EBLN1: variants seen among roughly 807,000 people sequenced by gnomAD.
The protein encoded by EBLN1 is endogenous Bornavirus like nucleoprotein 1.
In EBLN1, 1 loss-of-function variant was observed where a neutral mutation model predicts 0.8. The observed-to-expected ratio is 1.32, with a 90% confidence interval of 0.47 to 6.26. The LOEUF is 6.26. Ranked by LOEUF, EBLN1 falls within the 30% of genes most tolerant of loss-of-function variation. EBLN1 has a pLI of 0.15. For synonymous variants in EBLN1, 158 were observed against 158.5 expected (o/e 1.00, Z 0.02); for missense variants, 396 against 447.9 (o/e 0.88, Z 1.05).
Position 22,209,379 on chromosome 10 carries a change from A to G in EBLN1, c.605T>C (p.Val202Ala). 2 of 1,605,470 alleles carry G rather than the reference A, an allele frequency of 1.2e-6. No individual in the cohort carries two copies. Among genetic ancestry groups the G allele is most frequent in the Non-Finnish European group, 1.7e-6 (2 of 1,179,836 alleles). The part of the protein sequence containing the change: ...AIDWINSRPW[V>A]GGLMFTFLFG... Reference sequence around the variant, plus strand: ...TAGAAATGTGAACATTAATCCTCCAACCCATGGTCTTGAGTTGATCCAATC... The same window carrying G: ...TAGAAATGTGAACATTAATCCTCCAGCCCATGGTCTTGAGTTGATCCAATC... Residue 202 changes from valine to alanine, a missense_variant, in exon 3 of 3, where the codon GTT (valine) becomes GCT (alanine). Val to Ala is a moderately conservative substitution (Grantham distance 64). Coordinates refer to ENST00000422359, the MANE Select transcript of EBLN1 (RefSeq NM_001394757.1).
intron 1 of EBLN1, among the ~76,000 whole-genome samples, chr10:22,216,432 T>C (rs1018789939): frequency 6.6e-6 from 1 of 152,186 alleles, no homozygotes; most frequent in African/African-American, 2.4e-5. Context: ...AGATAATATA[T>C]AACCTACTTT....
chr10:22,214,865 C>G (rs74906659), intron 1 of EBLN1, among the ~76,000 whole-genome samples: 1 of 152,084 alleles, frequency 6.6e-6, no homozygotes, highest in Admixed American at 6.5e-5. Context: ...TTATTTATAA[C>G]AGTCAAAAAG....
intron 1 of EBLN1, among the ~76,000 whole-genome samples, chr10:22,214,142 T>G (rs540269782): frequency 1.4e-4 from 21 of 152,244 alleles, no homozygotes; most frequent in African/African-American, 5.1e-4. Flanking sequence ...AAAAATCCAT[T>G]TTGCTGTTAG....
At chr10:22,210,815 C>T (rs1462078475) in intron 2 of EBLN1, among the ~76,000 whole-genome samples, 1 of 152,106 alleles carries the variant, frequency 6.6e-6, no homozygotes, top group African/African-American at 2.4e-5. Context: ...AACTCGCTGG[C>T]CAAGTGGGTG....
chr10:22,217,165 G>T (rs1285931358), intron 1 of EBLN1, among the ~76,000 whole-genome samples: 1 of 152,162 alleles, frequency 6.6e-6, no homozygotes, highest in African/African-American at 2.4e-5. Context: ...TCGCTCTGTT[G>T]TTCAGGCTGC....
At position 22,209,557 on chromosome 10, in the gene EBLN1, G is replaced by C; in HGVS notation, c.427C>G (p.Leu143Val). 6.5e-7 allele frequency: 1 copy of C among 1,548,780 alleles called. No homozygotes were observed. Among genetic ancestry groups the C allele is most frequent in the Non-Finnish European group, 8.7e-7 (1 of 1,154,008 alleles). Residue 143 changes from leucine (L) to valine (V), a missense_variant, in exon 3 of 3, where the codon CTG becomes GTG. Leu to Val is a conservative substitution (Grantham distance 32). Transcript: ENST00000422359. ...MSSILRHCCD[L>V]IGIAAGSSDP... is the part of the protein sequence containing the mutation. Reference sequence around the variant, plus strand: ...CTCGATCCGGCAGCAATGCCTATCAGATCACAGCAGTGACGCAGAATTGAT... The same window carrying C: ...CTCGATCCGGCAGCAATGCCTATCACATCACAGCAGTGACGCAGAATTGAT...
chr10:22,209,277 G>T lies in EBLN1; in HGVS notation c.707C>A (p.Thr236Asn). The change falls in exon 3 of 3, where the codon ACC becomes AAC. Residue 236 changes from threonine (T) to asparagine (N), a missense_variant. Thr to Asn is a moderately conservative substitution (Grantham distance 65). Coordinates refer to ENST00000422359, the MANE Select transcript of EBLN1 (RefSeq NM_001394757.1). ...CAGGAACATTCTCACAGTGTAGTAG[G>T]TCATCATCTGTGCTTTGCTGGCAAC... is the stretch of plus-strand genomic sequence containing the variant. ...KVVASKAQMM[T>N]YYTVRMFLDQ... is the part of the protein sequence containing the mutation. 4.4e-6 allele frequency: 7 copies of T among 1,588,880 alleles called. No individual in the cohort carries two copies. The highest frequency in any genetic ancestry group is 4.3e-6 in the Non-Finnish European group (5 of 1,174,848).
rs762885789 is a variant in EBLN1 at position 22,209,615 on chromosome 10, A to G, written c.369T>C (p.Asp123=). The change falls in exon 3 of 3, where the codon GAT becomes GAC. Residue 123 remains aspartate, a synonymous_variant. Transcript: ENST00000422359. The stretch of plus-strand genomic sequence containing the variant: ...CAAGGGCAGTGAAGGTAGGCAAAAC[A>G]TCTTCAAATTTGCTAGCATAGAGAG... ...TGTLYASKFE[D]VLPTFTALEM... is the part of the protein sequence containing the mutation. 16 of 1,536,076 alleles carry G rather than the reference A, an allele frequency of 1.0e-5. No individual in the cohort carries two copies. Among genetic ancestry groups the G allele is most frequent in the Middle Eastern group, 1.7e-4 (1 of 6,012 alleles).
Position 22,209,253 on chromosome 10 carries a change from A to G in EBLN1, c.731T>C (p.Leu244Pro). Residue 244 changes from leucine (L) to proline (P), a missense_variant, in exon 3 of 3, where the codon CTG (leucine) becomes CCG (proline). Leu to Pro is a moderately conservative substitution (Grantham distance 98, BLOSUM62 -3). Transcript: ENST00000422359. ...MMTYYTVRMF[L>P]DQCVDGSTAL... is the part of the protein sequence containing the mutation. ...AGTGGAACCATCCACACACTGATCC[A>G]GGAACATTCTCACAGTGTAGTAGGT... 6.4e-7 allele frequency: 1 copy of G among 1,570,400 alleles called. No individual in the cohort carries two copies. Among genetic ancestry groups the G allele is most frequent in the South Asian group, 1.1e-5 (1 of 87,640 alleles).
intron 1 of EBLN1, among the ~76,000 whole-genome samples, chr10:22,215,868 C>G (rs1325907799): frequency 6.6e-6 from 1 of 151,940 alleles, no homozygotes; most frequent in Non-Finnish European, 1.5e-5. Flanking sequence ...AAATATTACA[C>G]AGCAGGGAAA....
At position 22,209,865 on chromosome 10, in the gene EBLN1, G is replaced by A. The variant is rs1834731892; in HGVS notation, c.119C>T (p.Pro40Leu). The A allele has an allele frequency of 1.3e-6, 2 of 1,522,878 alleles. No homozygotes were observed. The highest frequency in any genetic ancestry group is 1.8e-6 in the Non-Finnish European group (2 of 1,141,446). 94.3% of individuals were successfully genotyped at this position (1,522,878 alleles called of 1,614,324 possible). The change falls in exon 3 of 3, where the codon CCA becomes CTA. Residue 40 changes from proline (P) to leucine (L), a missense_variant. Coordinates refer to ENST00000422359, the MANE Select transcript of EBLN1 (RefSeq NM_001394757.1). Reference protein sequence around the residue: ...FELSGKSRQYPADALEPQPGI... With the variant: ...FELSGKSRQYLADALEPQPGI... ...AGGTTGGGGCTCCAATGCATCTGCTGGATACTGTCTGCTCTTCCCAGAGAG... is the reference window on the plus strand; with the variant it reads ...AGGTTGGGGCTCCAATGCATCTGCTAGATACTGTCTGCTCTTCCCAGAGAG...
intron 2 of EBLN1, among the ~76,000 whole-genome samples, chr10:22,212,434 C>T (rs1834762634): frequency 6.6e-6 from 1 of 152,090 alleles, no homozygotes; most frequent in Admixed American, 6.6e-5. Flanking sequence ...ATAACCTTTT[C>T]AATATTTTTT....
intron 1 of EBLN1, among the ~76,000 whole-genome samples, chr10:22,217,181 A>G (rs2131947124): frequency 6.6e-6 from 1 of 152,330 alleles, no homozygotes; most frequent in South Asian, 2.1e-4. Context: ...GCTGCAGTGC[A>G]GTGGTGCAAT....
chr10:22,209,065 A>T lies in EBLN1; in HGVS notation c.919T>A (p.Tyr307Asn), dbSNP rs1267131737. The T allele has an allele frequency of 6.5e-7, 1 of 1,536,622 alleles. No individual in the cohort carries two copies. Among genetic ancestry groups the T allele is most frequent in the Non-Finnish European group, 8.7e-7 (1 of 1,146,914 alleles). Residue 307 changes from tyrosine to asparagine, a missense_variant, in exon 3 of 3, where the codon TAC (tyrosine) becomes AAC (asparagine). Physicochemically the swap from Tyr to Asn is moderately radical, Grantham distance 143. Transcript: ENST00000422359. ...GTGGAATTCCTTCTTTTGGCCCAGT[A>T]GTTTGCTGCTGTTGCTAGGTTTGGG... ...MFPNLATAAN[Y>N]WAKRRNSTFS...
intron 2 of EBLN1, among the ~76,000 whole-genome samples, chr10:22,210,264 T>C (rs1834738962): frequency 1.3e-5 from 2 of 152,202 alleles, no homozygotes; most frequent in Admixed American, 1.3e-4. Flanking sequence ...ACACCAGAGC[T>C]ATGCCTATAG....
chr10:22,216,742 T>G (rs540821532), intron 1 of EBLN1, among the ~76,000 whole-genome samples: 1 of 152,332 alleles, frequency 6.6e-6, no homozygotes, highest in African/African-American at 2.4e-5. Flanking sequence ...ATTTATAAAT[T>G]GTGCTAATAC....
intron 2 of EBLN1, among the ~76,000 whole-genome samples, chr10:22,212,028 G>A (rs1056837021): frequency 1.3e-5 from 2 of 151,980 alleles, no homozygotes; most frequent in Non-Finnish European, 2.9e-5. Flanking sequence ...AGGTATCTTC[G>A]GTTACTAAAA....
chr10:22,217,121 G>GTA (rs1237345801), intron 1 of EBLN1, among the ~76,000 whole-genome samples: 3 of 152,052 alleles, frequency 2.0e-5, no homozygotes, highest in Non-Finnish European at 2.9e-5. Context: ...ATATGTATGT[G>GTA]TATATATATA....
At chr10:22,211,895 T>C (rs908917648) in intron 2 of EBLN1, among the ~76,000 whole-genome samples, 1 of 152,228 alleles carries the variant, frequency 6.6e-6, no homozygotes, top group Admixed American at 6.5e-5. Flanking sequence ...TTAAGTCACT[T>C]AAAGCTGCTT....
Sources: allele counts gnomAD v4.1 joint callset (sites outside exome capture counted in the v4.1 genomes callset), GRCh38; gene constraint gnomAD v4.1.1; transcripts MANE v1.5; gene names NCBI Gene and HGNC (gene_info 2026-07-23, HGNC 2026-07-21).